The following RNF138 variants were observed in gnomAD, a reference collection of about 807,000 sequenced individuals.
RNF138 encodes E3 ubiquitin-protein ligase RNF138.
Under a neutral mutation model 31.0 loss-of-function variants are expected in RNF138, and 12 were observed. The ratio of observed to expected loss-of-function variants is 0.39; its 90% confidence interval spans 0.25 to 0.63. The LOEUF (loss-of-function observed/expected upper bound fraction) is 0.63, where lower values mean the gene tolerates loss of function less well. Among genes scored for constraint, RNF138 ranks in the 20% least tolerant of loss-of-function variants. RNF138 has a pLI of 0.52. For missense variants in RNF138, 192 were observed against 300.1 expected (o/e 0.64, Z 2.66); for synonymous variants, 105 against 99.5 (o/e 1.06, Z -0.33).
chr18:32,092,607 T>A, intron 1 of RNF138, 93 bp from the exon 2 acceptor site: 1 of 594,920 alleles, frequency 1.7e-6, no homozygotes, highest in Non-Finnish European at 3.0e-6. Context: ...GTAGCGTCTC[T>A]GCGTTCGGCC....
chr18:32,094,349 C>CT (rs1381171163), intron 2 of RNF138, among the ~76,000 whole-genome samples: 1 of 152,086 alleles, frequency 6.6e-6, no homozygotes, highest in African/African-American at 2.4e-5. Context: ...GCACTGTCTA[C>CT]TTTATTTCTA....
At position 32,111,940 on chromosome 18, in the gene RNF138, C is replaced by G. The variant is rs759713153; in HGVS notation, c.276+21C>G. 1.2e-5 allele frequency: 19 copies of G among 1,545,358 alleles called. No individual in the cohort carries two copies. In the Admixed American group the frequency reaches 2.3e-4, roughly 19 times the overall value. On this transcript the variant is annotated intron_variant, in intron 3 of 7. Coordinates refer to ENST00000261593, the MANE Select transcript of RNF138 (RefSeq NM_016271.5). ...AACAGGTAGAGTAAATGTGACATCT[C>G]TCTTCTTTGGAAGCCAAGTTTCTAC... is the stretch of plus-strand genomic sequence containing the variant.
At chr18:32,105,840 C>T (rs190258285) in intron 2 of RNF138, among the ~76,000 whole-genome samples, 1 of 152,302 alleles carries the variant, frequency 6.6e-6, no homozygotes, top group East Asian at 1.9e-4. Flanking sequence ...TATATCAGAA[C>T]AGATAGCTTT....
rs138041382 is a variant in RNF138 at position 32,120,162 on chromosome 18, G to A, written c.393-3356G>A. Among the ~76,000 whole-genome samples the A allele has an allele frequency of 1.3e-3, 198 of 152,174 alleles. 1 individual carries two copies. The highest frequency in any genetic ancestry group is 4.5e-3 in the African/African-American group (185 of 41,540). ...AATACACCTATAATATTACAAATAA[G>A]TATAATATTTACTATAGTTTTTTAG... On this transcript the variant is annotated intron_variant, in intron 4 of 7. Transcript: ENST00000261593.
At chr18:32,092,496 G>A (rs1311227816) in intron 1 of RNF138, 2 of 418,362 alleles carry the variant, frequency 4.8e-6, no homozygotes, top group South Asian at 2.6e-5. Flanking sequence ...GCGGGCCCAC[G>A]GCATGCTGCG....
At chr18:32,126,632 C>G (rs2040388580) in intron 6 of RNF138, 61 bp from the exon 7 acceptor site, 1 of 1,046,850 alleles carries the variant, frequency 9.6e-7, no homozygotes, top group African/African-American at 1.6e-5. Flanking sequence ...TTAATACTGT[C>G]AATTGTATAA....
Position 32,092,722 on chromosome 18 carries a change from C to G in RNF138, c.-55C>G. On this transcript the variant is annotated 5_prime_UTR_variant, in exon 2 of 8. Coordinates refer to ENST00000261593, the MANE Select transcript of RNF138 (RefSeq NM_016271.5). Reference sequence around the variant, plus strand: ...TAGGGAGTCGGGCCCCGGGCCGCCACCGTCACCTCGGCCGCTGCCGCTGTC... The same window carrying G: ...TAGGGAGTCGGGCCCCGGGCCGCCAGCGTCACCTCGGCCGCTGCCGCTGTC... The G allele has an allele frequency of 8.5e-7, 1 of 1,180,886 alleles. No individual in the cohort carries two copies. The allele number at this position is 1,180,886 out of a possible 1,614,324, so 73.2% of individuals were successfully genotyped here. A position where few individuals can be genotyped will look rare whatever the true frequency, so the allele number is the denominator to read the frequency against.
At chr18:32,092,937 G>A in intron 2 of RNF138, 51 bp downstream of exon 2, 3 of 1,122,358 alleles carry the variant, frequency 2.7e-6, no homozygotes, top group African/African-American at 1.6e-5. Context: ...GCTTAGGCCC[G>A]GCCTCCGGCC....
intron 2 of RNF138, among the ~76,000 whole-genome samples, chr18:32,098,272 C>T (rs2039851032): frequency 6.6e-6 from 1 of 151,978 alleles, no homozygotes; most frequent in Admixed American, 6.6e-5. Context: ...TCCCAAAGTG[C>T]TAGGATTACA....
At chr18:32,097,448 A>G (rs994046254) in intron 2 of RNF138, among the ~76,000 whole-genome samples, 4 of 152,080 alleles carry the variant, frequency 2.6e-5, no homozygotes, top group Admixed American at 6.6e-5. Context: ...TTTTTAGTTC[A>G]TATTTACTTT....
chr18:32,092,769 C>A lies in RNF138; in HGVS notation c.-8C>A. The A allele has an allele frequency of 1.9e-6, 3 of 1,547,596 alleles. No homozygotes were observed. Among genetic ancestry groups the A allele is most frequent in the East Asian group, 2.4e-5 (1 of 42,374 alleles). On this transcript the variant is annotated 5_prime_UTR_variant, in exon 2 of 8. Coordinates refer to ENST00000261593, the MANE Select transcript of RNF138 (RefSeq NM_016271.5). Reference sequence around the variant, plus strand: ...TGTCGCCATCGCCTTGTTTCCCCATCCCCCGCCATGGCCGAGGACCTCTCT... The same window carrying A: ...TGTCGCCATCGCCTTGTTTCCCCATACCCCGCCATGGCCGAGGACCTCTCT...
intron 4 of RNF138, among the ~76,000 whole-genome samples, chr18:32,115,364 G>A (rs190618790): frequency 2.1e-4 from 32 of 152,014 alleles, no homozygotes; most frequent in African/African-American, 7.2e-4. Flanking sequence ...TCTCTCACTC[G>A]AACTATGATA....
intron 2 of RNF138, among the ~76,000 whole-genome samples, chr18:32,106,413 G>A (rs2144585055): frequency 6.6e-6 from 1 of 152,192 alleles, no homozygotes; most frequent in Non-Finnish European, 1.5e-5. Flanking sequence ...TCAGAACTTT[G>A]AACACATCAT....
rs776102578 is a variant in RNF138, at chr18:32,123,614, T to C, written c.449+40T>C. ...AATCCTGCCACTTTAGCAAGTAATA[T>C]TATATTTATCACTTATCAAATAGCT... is the stretch of plus-strand genomic sequence containing the variant. On this transcript the variant is annotated intron_variant, in intron 5 of 7. Coordinates refer to ENST00000261593, the MANE Select transcript of RNF138 (RefSeq NM_016271.5). 2.3e-6 allele frequency: 3 copies of C among 1,317,138 alleles called. No individual in the cohort carries two copies. In the East Asian group the frequency reaches 7.3e-5, roughly 32 times the overall value. The allele number at this position is 1,317,138 out of a possible 1,614,324, so 81.6% of individuals were successfully genotyped here. A position where few individuals can be genotyped will look rare whatever the true frequency, so the allele number is the denominator to read the frequency against.
rs544065591 is a variant in RNF138 at position 32,097,815 on chromosome 18, C to T, written c.110+4929C>T. On this transcript the variant is annotated intron_variant, in intron 2 of 7. Transcript: ENST00000261593. ...TGGGATTATAGGCATGAGCCACTAT[C>T]CTCGGCCTAATTAATTAATTTAGAA... Among the ~76,000 whole-genome samples the T allele has an allele frequency of 2.6e-5, 4 of 151,864 alleles. No individual in the cohort carries two copies. The South Asian group carries it at 8.3e-4, about 32-fold the overall frequency.
intron 4 of RNF138, among the ~76,000 whole-genome samples, chr18:32,115,438 AATG>A (rs1194520708): frequency 6.6e-6 from 1 of 152,156 alleles, no homozygotes; most frequent in African/African-American, 2.4e-5. Context: ...AAGTAATATT[AATG>A]AAGTATAAAA....
intron 1 of RNF138, chr18:32,092,490 GC>G (rs1396026095): frequency 2.4e-6 from 1 of 408,168 alleles, no homozygotes; most frequent in African/African-American, 2.2e-5. Flanking sequence ...AGCGGGGCGG[GC>G]CCACGGCATG....
At chr18:32,092,291 G>A (rs1389696136) in intron 1 of RNF138, 56 bp downstream of exon 1, 2 of 154,502 alleles carry the variant, frequency 1.3e-5, no homozygotes, top group Non-Finnish European at 2.9e-5. Flanking sequence ...AAGCGGGGCG[G>A]GGAGGAAGCC....
chr18:32,106,280 C>T (rs968327250), intron 2 of RNF138, among the ~76,000 whole-genome samples: 1 of 152,034 alleles, frequency 6.6e-6, no homozygotes, highest in Non-Finnish European at 1.5e-5. Flanking sequence ...TTTTAGTGTG[C>T]GGGTATGCAG....
Sources: allele counts gnomAD v4.1 joint callset (sites outside exome capture counted in the v4.1 genomes callset), GRCh38; gene constraint gnomAD v4.1.1; transcripts MANE v1.5; gene names NCBI Gene and HGNC (gene_info 2026-07-23, HGNC 2026-07-21).